Variants in CACNA2D3 observed in about 807,000 individuals in gnomAD.
CACNA2D3 encodes voltage-dependent calcium channel subunit alpha-2/delta-3.
A neutral mutation model predicts 160.6 loss-of-function variants in CACNA2D3; 60 were observed. The ratio of observed to expected loss-of-function variants is 0.37; its 90% confidence interval spans 0.30 to 0.46. CACNA2D3 has a LOEUF of 0.46. Among genes scored for constraint, CACNA2D3 ranks in the 20% least tolerant of loss-of-function variants. The probability of loss-of-function intolerance (pLI) is 1.00; values close to 1 mark genes in which losing one functional copy is unlikely to be tolerated. For synonymous variants in CACNA2D3, 558 were observed against 492.9 expected (o/e 1.13, Z -1.75); for missense variants, 1,205 against 1,365.0 (o/e 0.88, Z 1.85).
At chr3:55,001,468 ATAACCTTCTT>A (rs1197929531) in intron 31 of CACNA2D3, among the ~76,000 whole-genome samples, 1 of 152,202 alleles carries the variant, frequency 6.6e-6, no homozygotes, top group Non-Finnish European at 1.5e-5. Flanking sequence ...CAACACATAG[ATAACCTTCTT>A]TAACCCTATG....
At chr3:54,835,237 GT>G (rs1014467635) in intron 14 of CACNA2D3, among the ~76,000 whole-genome samples, 4 of 152,142 alleles carry the variant, frequency 2.6e-5, no homozygotes, top group African/African-American at 9.7e-5. Context: ...CCTGTTGGGA[GT>G]TTTTTTCCAA....
intron 13 of CACNA2D3, among the ~76,000 whole-genome samples, chr3:54,779,826 A>T (rs145808553): frequency 6.6e-6 from 1 of 152,194 alleles, no homozygotes. Flanking sequence ...ATCATTTAGA[A>T]TTATCTTAAT....
intron 2 of CACNA2D3, among the ~76,000 whole-genome samples, chr3:54,210,458 GTGTT>G (rs1369656120): frequency 6.6e-6 from 1 of 152,016 alleles, no homozygotes; most frequent in East Asian, 1.9e-4. Context: ...GTGTGTGTGT[GTGTT>G]TAAGATAGCT....
At chr3:55,026,964 C>A (rs1231251545) in intron 35 of CACNA2D3, among the ~76,000 whole-genome samples, 1 of 152,100 alleles carries the variant, frequency 6.6e-6, no homozygotes, top group African/African-American at 2.4e-5. Flanking sequence ...TCCCTTCCTT[C>A]TCTCTCACCG....
chr3:54,613,040 C>A (rs1159663431), intron 9 of CACNA2D3, among the ~76,000 whole-genome samples: 1 of 152,184 alleles, frequency 6.6e-6, no homozygotes, highest in Non-Finnish European at 1.5e-5. Flanking sequence ...CAGGTGGATA[C>A]AAACAATAAA....
chr3:54,811,361 T>C (rs917934736), intron 13 of CACNA2D3, among the ~76,000 whole-genome samples: 15 of 152,022 alleles, frequency 9.9e-5, no homozygotes, highest in African/African-American at 3.6e-4. Flanking sequence ...ATGTCTCTTC[T>C]ATCATGATCC....
intron 32 of CACNA2D3, among the ~76,000 whole-genome samples, chr3:55,006,205 A>G (rs545815795): frequency 3.9e-5 from 6 of 152,330 alleles, no homozygotes; most frequent in African/African-American, 1.4e-4. Context: ...ACGCTTTTAG[A>G]TGATAATGTG....
intron 3 of CACNA2D3, among the ~76,000 whole-genome samples, chr3:54,338,416 A>T (rs1704438714): frequency 6.6e-6 from 1 of 151,412 alleles, no homozygotes; most frequent in African/African-American, 2.4e-5. Context: ...ACTTGAAAAC[A>T]GCTTTCAGCT....
chr3:54,705,654 G>T (rs937268696), intron 11 of CACNA2D3, among the ~76,000 whole-genome samples: 5 of 152,158 alleles, frequency 3.3e-5, no homozygotes, highest in African/African-American at 1.2e-4. Flanking sequence ...TAATTCAACA[G>T]TTTGGGCCTC....
chr3:54,311,570 A>T (rs1261301808), intron 2 of CACNA2D3, among the ~76,000 whole-genome samples: 1 of 152,214 alleles, frequency 6.6e-6, no homozygotes, highest in Non-Finnish European at 1.5e-5. Context: ...CACATCTGGC[A>T]GGAGTAACAT....
chr3:54,719,115 A>G (rs1005687369), intron 11 of CACNA2D3, among the ~76,000 whole-genome samples: 1 of 149,062 alleles, frequency 6.7e-6, no homozygotes, highest in African/African-American at 2.4e-5. Context: ...CTACTTTCCC[A>G]ATCTATATAC....
intron 14 of CACNA2D3, among the ~76,000 whole-genome samples, chr3:54,833,901 G>A (rs1426871894): frequency 6.6e-6 from 1 of 152,152 alleles, no homozygotes; most frequent in African/African-American, 2.4e-5. Flanking sequence ...TCAAATTGGG[G>A]CCAGAACTGC....
chr3:54,937,361 T>C (rs1475773079), intron 27 of CACNA2D3, among the ~76,000 whole-genome samples: 4 of 152,292 alleles, frequency 2.6e-5, no homozygotes, highest in Non-Finnish European at 5.9e-5. Flanking sequence ...GCAAATACAG[T>C]TGTCCCTCGG....
chr3:54,626,231 A>T, intron 9 of CACNA2D3: 1 of 974,828 alleles, frequency 1.0e-6, no homozygotes, highest in Non-Finnish European at 1.6e-6. Context: ...GAAGTAGAGC[A>T]GAAGAAGCAG....
chr3:54,877,551 G>A (rs1699690977), intron 18 of CACNA2D3, among the ~76,000 whole-genome samples: 1 of 152,180 alleles, frequency 6.6e-6, no homozygotes, highest in South Asian at 2.1e-4. Context: ...AGATACCCAA[G>A]ATCATAAAGC....
chr3:54,744,901 A>T (rs1206948713), intron 11 of CACNA2D3, among the ~76,000 whole-genome samples: 1 of 152,230 alleles, frequency 6.6e-6, no homozygotes, highest in African/African-American at 2.4e-5. Context: ...GGGGAGGTGC[A>T]TGCACAGCTC....
chr3:54,998,345 G>T (rs950918776), intron 31 of CACNA2D3, among the ~76,000 whole-genome samples: 10 of 152,062 alleles, frequency 6.6e-5, no homozygotes, highest in African/African-American at 2.4e-4. Flanking sequence ...TGTTGGCCAG[G>T]CTAGTCTTGA....
chr3:54,452,498 G>T (rs149223824), intron 4 of CACNA2D3, among the ~76,000 whole-genome samples: 1 of 152,100 alleles, frequency 6.6e-6, no homozygotes, highest in African/African-American at 2.4e-5. Context: ...TTCTGAACTC[G>T]CACTGGAATT....
At chr3:54,825,751 A>C (rs1010707206) in intron 14 of CACNA2D3, among the ~76,000 whole-genome samples, 1 of 152,252 alleles carries the variant, frequency 6.6e-6, no homozygotes, top group Non-Finnish European at 1.5e-5. Context: ...TTTAACACTG[A>C]GGTAAATCAG....
Sources: allele counts gnomAD v4.1 joint callset (sites outside exome capture counted in the v4.1 genomes callset), GRCh38; gene constraint gnomAD v4.1.1; transcripts MANE v1.5; gene names NCBI Gene and HGNC (gene_info 2026-07-23, HGNC 2026-07-21).